Variants in AFF4 observed in about 807,000 individuals in gnomAD.
The protein encoded by AFF4 is AF4/FMR2 family member 4.
In AFF4, 13 loss-of-function variants were observed where a neutral mutation model predicts 124.8. The observed-to-expected ratio is 0.10, with a 90% CI of 0.07 to 0.17. AFF4 has a LOEUF of 0.17. Among genes scored for constraint, AFF4 ranks in the 10% least tolerant of loss-of-function variants. The probability of loss-of-function intolerance (pLI) is 1.00; values close to 1 mark genes in which losing one functional copy is unlikely to be tolerated. For missense variants in AFF4, 1,092 were observed against 1,403.8 expected (o/e 0.78, Z 3.55); for synonymous variants, 477 against 496.1 (o/e 0.96, Z 0.51).
intron 12 of AFF4, 77 bp from the exon 13 acceptor site, chr5:132,892,481 T>A: frequency 6.6e-7 from 1 of 1,518,020 alleles, no homozygotes. Context: ...TCTCTTTGTC[T>A]GCTTTCAAGA....
chr5:132,958,318 T>C (rs978832054), intron 1 of AFF4, among the ~76,000 whole-genome samples: 7 of 151,656 alleles, frequency 4.6e-5, no homozygotes, highest in Admixed American at 1.3e-4. Context: ...CAAAAAAAAT[T>C]AGCAGGGCAT....
At chr5:132,919,988 GAA>G (rs200480614) in intron 5 of AFF4, among the ~76,000 whole-genome samples, 1 of 143,574 alleles carries the variant, frequency 7.0e-6, no homozygotes. Flanking sequence ...TTATTTAAAA[GAA>G]AAAAAAAAAG....
At chr5:132,950,503 G>A (rs762474917) in intron 1 of AFF4, among the ~76,000 whole-genome samples, 1 of 151,920 alleles carries the variant, frequency 6.6e-6, no homozygotes, top group Non-Finnish European at 1.5e-5. Flanking sequence ...AAGCAAGCAA[G>A]CTAGGCATGG....
intron 6 of AFF4, chr5:132,904,162 C>CAGG (rs749360277): frequency 2.1e-6 from 1 of 479,570 alleles, no homozygotes; most frequent in South Asian, 2.4e-5. Flanking sequence ...TAGGCTGAGG[C>CAGG]AGGAGGATCA....
intron 5 of AFF4, among the ~76,000 whole-genome samples, chr5:132,924,691 T>C (rs1257342508): frequency 6.6e-6 from 1 of 151,668 alleles, no homozygotes; most frequent in African/African-American, 2.4e-5. Context: ...CTGTCTCCAC[T>C]AAAAATACAA....
chr5:132,880,614 T>C lies in AFF4; in HGVS notation c.*445A>G, dbSNP rs571675769. 1 of 355,696 alleles carries C rather than the reference T, an allele frequency of 2.8e-6. No individual in the cohort carries two copies. Among genetic ancestry groups the C allele is most frequent in the East Asian group, 4.1e-5 (1 of 24,488 alleles). 22.0% of individuals were successfully genotyped at this position (355,696 alleles called of 1,614,324 possible). A position where few individuals can be genotyped will look rare whatever the true frequency, so the allele number is the denominator to read the frequency against. ...TTAGAACAGCTACCACAAAAAGATA[T>C]TAGGTAATAAAGCTCCCAAGGTATA... On this transcript the variant is annotated 3_prime_UTR_variant, in exon 21 of 21. Coordinates refer to ENST00000265343, the MANE Select transcript of AFF4 (RefSeq NM_014423.4).
chr5:132,932,158 A>ATT lies in AFF4; in HGVS notation c.963+18_963+19dup, dbSNP rs56817345. ...ATAAAAAATTAAAGAAATTGAAATG[A>ATT]TTTTTTTTAAAAAACTTACTTTTAG... On this transcript the variant is annotated intron_variant, in intron 4 of 20. Coordinates refer to ENST00000265343, the MANE Select transcript of AFF4 (RefSeq NM_014423.4). The ATT allele has an allele frequency of 7.0e-5, 109 of 1,559,362 alleles. No individual in the cohort carries two copies. The highest frequency in any genetic ancestry group is 1.7e-4 in the Middle Eastern group (1 of 5,794).
intron 5 of AFF4, among the ~76,000 whole-genome samples, chr5:132,917,481 T>C (rs954404045): frequency 6.6e-6 from 1 of 152,104 alleles, no homozygotes; most frequent in African/African-American, 2.4e-5. Context: ...CTAATCTCAC[T>C]ACTGGCATTC....
At chr5:132,958,984 T>C (rs1276177078) in intron 1 of AFF4, among the ~76,000 whole-genome samples, 1 of 152,180 alleles carries the variant, frequency 6.6e-6, no homozygotes, top group Admixed American at 6.5e-5. Flanking sequence ...TAGGAAATGA[T>C]TATTGAAGTA....
intron 1 of AFF4, among the ~76,000 whole-genome samples, chr5:132,949,734 T>C (rs1761791064): frequency 6.8e-6 from 1 of 148,018 alleles, no homozygotes; most frequent in Non-Finnish European, 1.5e-5. Context: ...TGAGGGTGAG[T>C]GCCCGCAGTC....
At chr5:132,922,667 C>A (rs1328313792) in intron 5 of AFF4, among the ~76,000 whole-genome samples, 3 of 149,894 alleles carry the variant, frequency 2.0e-5, no homozygotes, top group African/African-American at 7.4e-5. Context: ...GTAGTCCCAG[C>A]TACTTGGGAG....
intron 4 of AFF4, among the ~76,000 whole-genome samples, chr5:132,928,130 G>T (rs925376675): frequency 1.3e-5 from 2 of 151,772 alleles, no homozygotes; most frequent in Non-Finnish European, 2.9e-5. Flanking sequence ...ACGTATAAGG[G>T]GCTCACACTT....
intron 1 of AFF4, among the ~76,000 whole-genome samples, chr5:132,947,071 T>A (rs1209152174): frequency 6.6e-6 from 1 of 151,992 alleles, no homozygotes; most frequent in East Asian, 1.9e-4. Flanking sequence ...TAAATAAGTA[T>A]ATAAAACACT....
chr5:132,939,466 T>C (rs1294013708), intron 1 of AFF4, among the ~76,000 whole-genome samples: 2 of 152,192 alleles, frequency 1.3e-5, no homozygotes, highest in Non-Finnish European at 2.9e-5. Context: ...AACCAAGTAA[T>C]AGTTTTATAT....
chr5:132,877,920 C>T lies in AFF4; in HGVS notation c.*3139G>A, dbSNP rs957630235. 9.8e-5 allele frequency: 22 copies of T among 224,850 alleles called. No individual in the cohort carries two copies. Among genetic ancestry groups the T allele is most frequent in the African/African-American group, 4.9e-4 (22 of 44,944 alleles). The allele number at this position is 224,850 out of a possible 1,614,324, so 13.9% of individuals were successfully genotyped here. A position where few individuals can be genotyped will look rare whatever the true frequency, so the allele number is the denominator to read the frequency against. ...TGCAGCCCAAGTGCCTATGAATCCG[C>T]CACTGCCAGAGCTCCCAGAAACACA... On this transcript the variant is annotated 3_prime_UTR_variant, in exon 21 of 21. Transcript: ENST00000265343.
At chr5:132,942,955 C>T (rs1254936088) in intron 1 of AFF4, 1 of 215,180 alleles carries the variant, frequency 4.6e-6, no homozygotes, top group Non-Finnish European at 9.9e-6. Context: ...GAAAGGGGTC[C>T]TTCAAGTACA....
intron 5 of AFF4, among the ~76,000 whole-genome samples, chr5:132,918,678 AG>A (rs1290319508): frequency 2.0e-5 from 3 of 152,152 alleles, no homozygotes; most frequent in African/African-American, 7.2e-5. Flanking sequence ...CTCTAACAAA[AG>A]ATGTCCAAAA....
At chr5:132,939,803 G>T (rs930763693) in intron 1 of AFF4, among the ~76,000 whole-genome samples, 7 of 152,158 alleles carry the variant, frequency 4.6e-5, no homozygotes, top group African/African-American at 1.7e-4. Flanking sequence ...TAGCGATGGG[G>T]TTTCACCGAG....
In AFF4 at chr5:132,879,619, C is replaced by T. The variant is rs1268277889; in HGVS notation, c.*1440G>A. ...ATTTGTAAACAATCCATAGAGTCTT[C>T]ATTTAAAGGTAAGATTTAAGGCACA... is the stretch of plus-strand genomic sequence containing the variant. On this transcript the variant is annotated 3_prime_UTR_variant, in exon 21 of 21. Coordinates refer to ENST00000265343, the MANE Select transcript of AFF4 (RefSeq NM_014423.4). 9.6e-6 allele frequency: 2 copies of T among 208,704 alleles called. No homozygotes were observed. The highest frequency in any genetic ancestry group is 2.0e-5 in the Non-Finnish European group (2 of 102,348). 12.9% of individuals were successfully genotyped at this position (208,704 alleles called of 1,614,324 possible).
Sources: allele counts gnomAD v4.1 joint callset (sites outside exome capture counted in the v4.1 genomes callset), GRCh38; gene constraint gnomAD v4.1.1; transcripts MANE v1.5; gene names NCBI Gene and HGNC (gene_info 2026-07-23, HGNC 2026-07-21).